The following ST6GAL1 variants were observed in gnomAD, a reference collection of about 807,000 sequenced individuals.
The protein encoded by ST6GAL1 is ST6 beta-galactoside alpha-2,6-sialyltransferase 1.
Under a neutral mutation model 38.0 loss-of-function variants are expected in ST6GAL1, and 20 were observed. The ratio of observed to expected loss-of-function variants is 0.53; its 90% CI spans 0.37 to 0.77. The LOEUF (loss-of-function observed/expected upper bound fraction) is 0.77, where lower values mean the gene tolerates loss of function less well. Among genes scored for constraint, ST6GAL1 ranks in the 30% least tolerant of loss-of-function variants. The pLI is 0.00. For synonymous variants in ST6GAL1, 196 were observed against 188.2 expected, an observed-to-expected ratio of 1.04 and a Z score of -0.34; for missense variants, 432 against 496.4, an observed-to-expected ratio of 0.87 and a Z score of 1.23.
chr3:187,072,982 T>C (rs769890146), intron 6 of ST6GAL1, 35 bp downstream of exon 6: 1 of 1,515,186 alleles, frequency 6.6e-7, no homozygotes, highest in Non-Finnish European at 9.2e-7. Flanking sequence ...GGGGTTGAGT[T>C]TCCTGTCTGT....
chr3:186,984,260 G>GA (rs1421193505), intron 2 of ST6GAL1, among the ~76,000 whole-genome samples: 2 of 152,144 alleles, frequency 1.3e-5, no homozygotes, highest in Non-Finnish European at 2.9e-5. Context: ...CGCTCACTGG[G>GA]ACTGCTGCTG....
chr3:187,073,022 T>A, intron 6 of ST6GAL1, 75 bp downstream of exon 6: 1 of 1,236,088 alleles, frequency 8.1e-7, no homozygotes, highest in Non-Finnish European at 1.2e-6. Context: ...CCTAGGTTTT[T>A]AAAGTCATGG....
At chr3:186,978,473 G>A (rs1050724152) in intron 2 of ST6GAL1, among the ~76,000 whole-genome samples, 1 of 152,126 alleles carries the variant, frequency 6.6e-6, no homozygotes, top group African/African-American at 2.4e-5. Context: ...GTTCCAGGAG[G>A]GACTTGACCA....
At chr3:186,940,288 GTT>G (rs58481671) in intron 1 of ST6GAL1, among the ~76,000 whole-genome samples, 2 of 150,600 alleles carry the variant, frequency 1.3e-5, no homozygotes, top group East Asian at 1.9e-4. Flanking sequence ...AAATGAAATG[GTT>G]TTTTTTTTAG....
rs543365658 is a variant in ST6GAL1 at position 187,013,774 on chromosome 3, G to A, written c.-182-24968G>A. Among the ~76,000 whole-genome samples the A allele has an allele frequency of 2.1e-4, 32 of 152,124 alleles. No homozygotes were observed. The South Asian group carries it at 6.6e-3, about 32-fold the overall frequency. On this transcript the variant is annotated intron_variant, in intron 2 of 7. Transcript: ENST00000169298. ...TAATTTTTGTATTTTTAGTAGAGACGGGGTTTGACCATGTTGGCCAGGCTG... is the reference window on the plus strand; with the variant it reads ...TAATTTTTGTATTTTTAGTAGAGACAGGGTTTGACCATGTTGGCCAGGCTG...
chr3:186,990,097 G>A (rs1716106604), intron 2 of ST6GAL1, among the ~76,000 whole-genome samples: 1 of 152,230 alleles, frequency 6.6e-6, no homozygotes, highest in African/African-American at 2.4e-5. Flanking sequence ...GCAGTGGTGC[G>A]ATCTTAGCTC....
chr3:187,035,056 T>A (rs1717881963), intron 2 of ST6GAL1, among the ~76,000 whole-genome samples: 1 of 152,210 alleles, frequency 6.6e-6, no homozygotes, highest in African/African-American at 2.4e-5. Flanking sequence ...CAGCAAAGTT[T>A]CAGGATACAA....
intron 2 of ST6GAL1, among the ~76,000 whole-genome samples, chr3:186,981,237 C>T (rs986315530): frequency 1.3e-5 from 2 of 152,142 alleles, no homozygotes; most frequent in South Asian, 2.1e-4. Context: ...GTAGGCTGAA[C>T]GTGGAAAGAA....
At chr3:186,997,280 T>A (rs2108550226) in intron 2 of ST6GAL1, among the ~76,000 whole-genome samples, 1 of 152,116 alleles carries the variant, frequency 6.6e-6, no homozygotes, top group African/African-American at 2.4e-5. Context: ...TCACCCCCTG[T>A]TTTGTAAGTG....
At chr3:187,066,247 A>G (rs1719120369) in intron 5 of ST6GAL1, among the ~76,000 whole-genome samples, 1 of 152,176 alleles carries the variant, frequency 6.6e-6, no homozygotes. Flanking sequence ...GATTTGGGCC[A>G]GCAGACACAG....
rs1486477947 is a variant in ST6GAL1 at position 186,953,481 on chromosome 3, C to T, written c.-324-10304C>T. On this transcript the variant is annotated intron_variant, in intron 1 of 7. Coordinates refer to ENST00000169298, the MANE Select transcript of ST6GAL1 (RefSeq NM_173216.2). ...TCACCTTGTCAAACAGGCCATTTGA[C>T]AGCCTTATATAAGATTATAATCTCC... is the stretch of plus-strand genomic sequence containing the variant. 5.9e-5 allele frequency among the ~76,000 whole-genome samples: 9 copies of T among 152,196 alleles called. No individual in the cohort carries two copies. The East Asian group carries it at 1.5e-3, about 26-fold the overall frequency.
At chr3:187,007,590 T>C (rs1194097556) in intron 2 of ST6GAL1, among the ~76,000 whole-genome samples, 1 of 152,234 alleles carries the variant, frequency 6.6e-6, no homozygotes, top group Admixed American at 6.5e-5. Context: ...TTTCAGATGA[T>C]TTTTAACAGG....
chr3:187,058,505 C>T (rs541986164), intron 5 of ST6GAL1, among the ~76,000 whole-genome samples: 111 of 151,958 alleles, frequency 7.3e-4, no homozygotes, highest in Non-Finnish European at 1.2e-3. Context: ...TTTTGTTCTT[C>T]CTCTAATACC....
chr3:186,975,592 G>C (rs1715496323), intron 2 of ST6GAL1, among the ~76,000 whole-genome samples: 1 of 152,214 alleles, frequency 6.6e-6, no homozygotes, highest in South Asian at 2.1e-4. Flanking sequence ...CTTCCCCACA[G>C]TGTGTTCTTC....
At chr3:187,017,862 A>G (rs979760138) in intron 2 of ST6GAL1, among the ~76,000 whole-genome samples, 1 of 152,214 alleles carries the variant, frequency 6.6e-6, no homozygotes, top group Non-Finnish European at 1.5e-5. Context: ...ATTAGTAGAC[A>G]TTGTCCTCAC....
At chr3:187,039,843 G>A (rs1718067899) in intron 3 of ST6GAL1, among the ~76,000 whole-genome samples, 1 of 152,228 alleles carries the variant, frequency 6.6e-6, no homozygotes, top group African/African-American at 2.4e-5. Context: ...GTGGTGTCAA[G>A]GGACCACATG....
chr3:187,069,699 CT>C (rs1719296507), intron 5 of ST6GAL1, among the ~76,000 whole-genome samples: 1 of 152,194 alleles, frequency 6.6e-6, no homozygotes, highest in Admixed American at 6.5e-5. Flanking sequence ...CCATAACCTA[CT>C]GAAGAAATCC....
chr3:186,978,545 A>G (rs1276586054), intron 2 of ST6GAL1, among the ~76,000 whole-genome samples: 1 of 152,228 alleles, frequency 6.6e-6, no homozygotes, highest in South Asian at 2.1e-4. Context: ...AGGCCAGACC[A>G]GGAGCCAGAA....
At chr3:187,046,231 A>G (rs1467980981) in intron 4 of ST6GAL1, among the ~76,000 whole-genome samples, 4 of 152,234 alleles carry the variant, frequency 2.6e-5, no homozygotes, top group Admixed American at 6.5e-5. Context: ...AGAACTTACT[A>G]TCTAGCTGGA....
Sources: gnomAD v4.1 joint callset for allele counts (sites outside exome capture counted in the v4.1 genomes callset) on GRCh38, gnomAD v4.1.1 for gene constraint, MANE v1.5 for transcripts, NCBI Gene and HGNC (gene_info 2026-07-23, HGNC 2026-07-21) for gene names.